The following ZFHX3 variants were observed in gnomAD, a reference collection of about 807,000 sequenced individuals.
ZFHX3 encodes zinc finger homeobox protein 3.
A neutral mutation model predicts 279.1 loss-of-function variants in ZFHX3; 42 were observed. That is an observed-to-expected ratio of 0.15 (90% confidence interval 0.12 to 0.19). The LOEUF is 0.19. Ranked by LOEUF, ZFHX3 falls within the 10% of genes least tolerant of loss-of-function variation. ZFHX3 has a pLI of 1.00. For missense variants in ZFHX3, 4,981 were observed against 4,754.0 expected (o/e 1.05, Z -1.40); for synonymous variants, 2,293 against 1,957.8 (o/e 1.17, Z -4.52).
intron 3 of ZFHX3, among the ~76,000 whole-genome samples, chr16:73,382,563 G>A (rs186016614): frequency 1.3e-5 from 2 of 152,286 alleles, no homozygotes; most frequent in East Asian, 1.9e-4. Flanking sequence ...TGGATTGTGG[G>A]GGGGCAGGAG....
At chr16:73,461,837 C>A (rs747952121) in intron 2 of ZFHX3, among the ~76,000 whole-genome samples, 3 of 152,126 alleles carry the variant, frequency 2.0e-5, no homozygotes, top group Middle Eastern at 3.2e-3. Context: ...TTTTTCAAAG[C>A]TGTTTTAGCT....
chr16:72,965,477 T>C (rs541418194), intron 1 of ZFHX3, among the ~76,000 whole-genome samples: 64 of 152,266 alleles, frequency 4.2e-4, no homozygotes, highest in African/African-American at 1.4e-3. Flanking sequence ...AATATCCTGA[T>C]TTTTAAAGAA....
At chr16:73,376,924 G>A (rs1247086693) in intron 3 of ZFHX3, among the ~76,000 whole-genome samples, 1 of 150,910 alleles carries the variant, frequency 6.6e-6, no homozygotes, top group African/African-American at 2.4e-5. Flanking sequence ...CCTGGGCTTT[G>A]CAAAACAGTA....
At chr16:72,837,160 C>T (rs1007161540) in intron 4 of ZFHX3, among the ~76,000 whole-genome samples, 3 of 152,178 alleles carry the variant, frequency 2.0e-5, no homozygotes, top group African/African-American at 4.8e-5. Context: ...CCTCCAGGGG[C>T]GCCATTGCCT....
At chr16:73,686,906 C>T (rs2053090713) in intron 1 of ZFHX3, among the ~76,000 whole-genome samples, 1 of 150,468 alleles carries the variant, frequency 6.6e-6, no homozygotes, top group Non-Finnish European at 1.5e-5. Context: ...TATTCACCAC[C>T]CTTGCCAGAA....
chr16:73,010,326 C>T (rs1963871462), intron 1 of ZFHX3, among the ~76,000 whole-genome samples: 1 of 152,188 alleles, frequency 6.6e-6, no homozygotes, highest in Non-Finnish European at 1.5e-5. Flanking sequence ...CATTCATCCC[C>T]ACGAGAGGTT....
At chr16:73,752,924 T>G (rs748687641) in intron 1 of ZFHX3, among the ~76,000 whole-genome samples, 1 of 152,210 alleles carries the variant, frequency 6.6e-6, no homozygotes, top group Non-Finnish European at 1.5e-5. Context: ...CATTTGCAGG[T>G]ACAGCGGATC....
At chr16:73,438,917 G>A (rs1487766817) in intron 3 of ZFHX3, among the ~76,000 whole-genome samples, 3 of 152,180 alleles carry the variant, frequency 2.0e-5, no homozygotes, top group Non-Finnish European at 4.4e-5. Context: ...CAGAGACAAA[G>A]GTGACAGAGG....
intron 3 of ZFHX3, among the ~76,000 whole-genome samples, chr16:73,442,942 G>C (rs1039233361): frequency 6.6e-6 from 1 of 152,090 alleles, no homozygotes; most frequent in Non-Finnish European, 1.5e-5. Context: ...TGTAGAGACG[G>C]GGTCTCACCA....
At chr16:73,322,512 G>A (rs1456286528) in intron 3 of ZFHX3, among the ~76,000 whole-genome samples, 1 of 152,152 alleles carries the variant, frequency 6.6e-6, no homozygotes, top group Non-Finnish European at 1.5e-5. Flanking sequence ...TACAAATGCA[G>A]GAATAGCAAA....
chr16:73,534,836 T>C (rs1410266981), intron 2 of ZFHX3, among the ~76,000 whole-genome samples: 1 of 152,174 alleles, frequency 6.6e-6, no homozygotes, highest in African/African-American at 2.4e-5. Flanking sequence ...GATATTTTCT[T>C]TGTACATAAG....
At chr16:73,786,882 G>A (rs1959666547) in intron 1 of ZFHX3, among the ~76,000 whole-genome samples, 1 of 152,144 alleles carries the variant, frequency 6.6e-6, no homozygotes, top group Non-Finnish European at 1.5e-5. Context: ...GGCAGCCAGA[G>A]CCTCCAATAG....
chr16:73,888,770 G>A (rs2030431269), intron 1 of ZFHX3, among the ~76,000 whole-genome samples: 1 of 152,120 alleles, frequency 6.6e-6, no homozygotes, highest in South Asian at 2.1e-4. Flanking sequence ...TGATGTGGGG[G>A]CTAAGTGTAA....
chr16:73,589,337 G>A lies in ZFHX3; in HGVS notation c.-1547+90843C>T, dbSNP rs1489401159. On this transcript the variant is annotated intron_variant, in intron 2 of 17. Coordinates refer to the ZFHX3 transcript ENST00000641206. ...TGTATTCCCAGCTGCTTGGGAGGCT[G>A]AAGTAGGATGATCACTTGAGCCCGA... Among the ~76,000 whole-genome samples, 4 of 146,080 alleles carry A rather than the reference G, an allele frequency of 2.7e-5. No individual in the cohort carries two copies. The Admixed American group carries it at 2.8e-4, about 10-fold the overall frequency.
At chr16:73,321,397 A>G (rs1281059837) in intron 3 of ZFHX3, among the ~76,000 whole-genome samples, 1 of 152,154 alleles carries the variant, frequency 6.6e-6, no homozygotes, top group African/African-American at 2.4e-5. Context: ...TGACCTCCTC[A>G]GGTTGTTGGG....
chr16:73,492,106 G>A (rs796234722), intron 2 of ZFHX3, among the ~76,000 whole-genome samples: 31 of 152,170 alleles, frequency 2.0e-4, no homozygotes, highest in African/African-American at 7.0e-4. Flanking sequence ...TACATTTATC[G>A]AGATGTCCAA....
upstream of ZFHX3, among the ~76,000 whole-genome samples, chr16:73,052,228 A>T (rs1597137412): frequency 6.6e-6 from 1 of 151,610 alleles, no homozygotes; most frequent in Middle Eastern, 3.4e-3. Context: ...AAAAAAAAAA[A>T]TCCCAACACG....
intron 1 of ZFHX3, among the ~76,000 whole-genome samples, chr16:73,891,105 C>T (rs887279594): frequency 2.0e-5 from 3 of 150,274 alleles, no homozygotes; most frequent in African/African-American, 7.4e-5. Context: ...CTAATCTCTG[C>T]CCTCACACCT....
At chr16:72,822,960 C>A (rs1025807975) in intron 5 of ZFHX3, among the ~76,000 whole-genome samples, 1 of 152,144 alleles carries the variant, frequency 6.6e-6, no homozygotes, top group Non-Finnish European at 1.5e-5. Flanking sequence ...TCCAGATATA[C>A]ACCACAGCCT....
Sources: gnomAD v4.1 joint callset for allele counts (sites outside exome capture counted in the v4.1 genomes callset) on GRCh38, gnomAD v4.1.1 for gene constraint, MANE v1.5 for transcripts, NCBI Gene and HGNC (gene_info 2026-07-23, HGNC 2026-07-21) for gene names.